SMOC2: variants seen among roughly 807,000 people sequenced by gnomAD.
SMOC2 encodes SPARC-related modular calcium-binding protein 2.
Under a neutral mutation model 61.4 loss-of-function variants are expected in SMOC2, and 39 were observed. The observed-to-expected ratio is 0.64, with a 90% CI of 0.49 to 0.83. SMOC2 has a LOEUF of 0.83. Ranked by LOEUF, SMOC2 falls within the 40% of genes least tolerant of loss-of-function variation. SMOC2 has a pLI of 0.00. For synonymous variants in SMOC2, 247 were observed against 239.9 expected, an observed-to-expected ratio of 1.03 and a Z score of -0.27; for missense variants, 556 against 592.9, an observed-to-expected ratio of 0.94 and a Z score of 0.65.
At chr6:168,465,022 C>T (rs1035040235) in intron 1 of SMOC2, among the ~76,000 whole-genome samples, 10 of 151,922 alleles carry the variant, frequency 6.6e-5, no homozygotes, top group African/African-American at 2.2e-4. Flanking sequence ...GAGTGACTTA[C>T]GTCCAGGAGC....
At chr6:168,474,646 C>T (rs1392440049) in intron 1 of SMOC2, among the ~76,000 whole-genome samples, 1 of 152,104 alleles carries the variant, frequency 6.6e-6, no homozygotes, top group Admixed American at 6.5e-5. Flanking sequence ...TCCTTGATAG[C>T]GCCACAGCCA....
chr6:168,659,329 G>T (rs1562410205), intron 11 of SMOC2, among the ~76,000 whole-genome samples: 2 of 152,122 alleles, frequency 1.3e-5, no homozygotes, highest in African/African-American at 2.4e-5. Context: ...AAGCACCAGG[G>T]TCAGCCAAGA....
chr6:168,462,711 C>T (rs943480689), intron 1 of SMOC2, among the ~76,000 whole-genome samples: 2 of 152,146 alleles, frequency 1.3e-5, no homozygotes, highest in African/African-American at 4.8e-5. Flanking sequence ...TAGTTAGTGA[C>T]TTCAGAGGAC....
chr6:168,659,244 C>T (rs2115285312), intron 11 of SMOC2, among the ~76,000 whole-genome samples: 1 of 152,070 alleles, frequency 6.6e-6, no homozygotes, highest in African/African-American at 2.4e-5. Context: ...GATCAGGAGA[C>T]AATTGAAAAG....
chr6:168,498,797 G>C (rs9456137), intron 1 of SMOC2, among the ~76,000 whole-genome samples: 65 of 117,984 alleles, frequency 5.5e-4, no homozygotes, highest in Non-Finnish European at 7.8e-4. Context: ...CTACGAGTCA[G>C]AGTCTCTGGG....
chr6:168,658,896 ATGTGTGGTG>A lies in SMOC2; in HGVS notation c.1286-5162_1286-5154del, dbSNP rs758722156. On this transcript the variant is annotated intron_variant, in intron 11 of 12. Transcript: ENST00000356284. ...CTGTGTGTGTGTGTGGAGTATGTGT[ATGTGTGGTG>A]TGTGTGGTGTGTGTGTGTGGAGTGT... Among the ~76,000 whole-genome samples, 8 of 142,732 alleles carry A rather than the reference ATGTGTGGTG, an allele frequency of 5.6e-5. No individual in the cohort carries two copies. In the East Asian group the frequency reaches 6.2e-4, roughly 11 times the overall value. The allele number at this position is 142,732 out of a possible 152,430, so 93.6% of individuals were successfully genotyped here.
At chr6:168,650,903 TAAA>T in intron 10 of SMOC2, 120 bp downstream of exon 10, 1 of 854,358 alleles carries the variant, frequency 1.2e-6, no homozygotes, top group Non-Finnish European at 1.8e-6. Flanking sequence ...AGTAGGGCCT[TAAA>T]AAGGAGCCTT....
chr6:168,504,914 T>TGGCG lies in SMOC2; in HGVS notation c.85-4999_85-4998insCGGG, dbSNP rs573495721. Among the ~76,000 whole-genome samples, 3 of 151,880 alleles carry TGGCG rather than the reference T, an allele frequency of 2.0e-5. No individual in the cohort carries two copies. The East Asian group carries it at 5.8e-4, about 29-fold the overall frequency. On this transcript the variant is annotated intron_variant, in intron 1 of 12. Coordinates refer to ENST00000356284, the MANE Select transcript of SMOC2 (RefSeq NM_001166412.2). Reference sequence around the variant, plus strand: ...AACATGAGGCTTTACTCTTAAAGACTGGGAGCAAGAAGTCGAAGACAATAA... The same window carrying TGGCG: ...AACATGAGGCTTTACTCTTAAAGACTGGCGGGGAGCAAGAAGTCGAAGACAATAA...
At chr6:168,568,821 G>A (rs73789117) in intron 7 of SMOC2, among the ~76,000 whole-genome samples, 2,154 of 152,260 alleles carry the variant, frequency 0.014, 47 homozygotes, top group African/African-American at 0.049. Context: ...ACTAGTATTC[G>A]TTTAAGGTTC....
chr6:168,492,059 A>T (rs1279643897), intron 1 of SMOC2, among the ~76,000 whole-genome samples: 1 of 152,236 alleles, frequency 6.6e-6, no homozygotes, highest in Non-Finnish European at 1.5e-5. Context: ...TGCATCTGGC[A>T]TTACTAATGC....
intron 1 of SMOC2, among the ~76,000 whole-genome samples, chr6:168,455,002 G>C (rs983625872): frequency 6.6e-6 from 1 of 152,156 alleles, no homozygotes; most frequent in African/African-American, 2.4e-5. Context: ...CTTGGTGGCC[G>C]GGGTCTCAGA....
At chr6:168,447,445 A>T (rs1781355764) in intron 1 of SMOC2, among the ~76,000 whole-genome samples, 1 of 152,150 alleles carries the variant, frequency 6.6e-6, no homozygotes, top group Non-Finnish European at 1.5e-5. Context: ...GCACCAGCTG[A>T]GACTCCCTGA....
chr6:168,528,169 G>T (rs1583082716), intron 4 of SMOC2, among the ~76,000 whole-genome samples: 1 of 152,030 alleles, frequency 6.6e-6, no homozygotes, highest in East Asian at 1.9e-4. Context: ...ATTTCAAAAT[G>T]GTTTATGTTA....
chr6:168,501,624 G>A (rs976540394), intron 1 of SMOC2, among the ~76,000 whole-genome samples: 3 of 152,176 alleles, frequency 2.0e-5, no homozygotes, highest in Non-Finnish European at 4.4e-5. Context: ...AGCCAGTAAA[G>A]CATTGGTAAA....
chr6:168,636,516 C>T lies in SMOC2; in HGVS notation c.908-14165C>T, dbSNP rs1455000474. ...GCTTAATAATGTTGTTTTGGATAGG[C>T]TTCTATATTTAAACATGTACCAGAC... is the stretch of plus-strand genomic sequence containing the variant. On this transcript the variant is annotated intron_variant, in intron 9 of 12. Coordinates refer to ENST00000356284, the MANE Select transcript of SMOC2 (RefSeq NM_001166412.2). 2.6e-5 allele frequency among the ~76,000 whole-genome samples: 4 copies of T among 152,138 alleles called. No individual in the cohort carries two copies. In the East Asian group the frequency reaches 5.8e-4, roughly 22 times the overall value.
intron 4 of SMOC2, among the ~76,000 whole-genome samples, chr6:168,529,735 A>T (rs1182082342): frequency 2.0e-5 from 3 of 152,238 alleles, no homozygotes; most frequent in Non-Finnish European, 4.4e-5. Flanking sequence ...AGAATTTATC[A>T]TAAATTCATA....
chr6:168,523,121 G>A (rs1280718034), intron 2 of SMOC2, among the ~76,000 whole-genome samples: 3 of 101,292 alleles, frequency 3.0e-5, no homozygotes, highest in Admixed American at 1.4e-4. Context: ...TCGCTCTGTC[G>A]CCCAGGCCGG....
intron 1 of SMOC2, among the ~76,000 whole-genome samples, chr6:168,457,943 G>A (rs1212175701): frequency 6.6e-6 from 1 of 152,172 alleles, no homozygotes; most frequent in Non-Finnish European, 1.5e-5. Context: ...GAGGGGGGCA[G>A]CACAGGGGGT....
intron 1 of SMOC2, among the ~76,000 whole-genome samples, chr6:168,486,241 C>T (rs377110397): frequency 6.6e-6 from 1 of 152,134 alleles, no homozygotes; most frequent in Non-Finnish European, 1.5e-5. Flanking sequence ...AATACAAAGT[C>T]TAGTGGCAGA....
Sources: allele counts gnomAD v4.1 joint callset (sites outside exome capture counted in the v4.1 genomes callset), GRCh38; gene constraint gnomAD v4.1.1; transcripts MANE v1.5; gene names NCBI Gene and HGNC (gene_info 2026-07-23, HGNC 2026-07-21).